The following EIF4G3 variants were observed in gnomAD, a reference collection of about 807,000 sequenced individuals.
EIF4G3 encodes eukaryotic translation initiation factor 4 gamma 3, also known as eIF-4-gamma 3.
In EIF4G3, 34 loss-of-function variants were observed where a neutral mutation model predicts 186.4. That is an observed-to-expected ratio of 0.18 (90% CI 0.14 to 0.24). EIF4G3 has a LOEUF of 0.24. EIF4G3 is among the 10% of genes least tolerant of loss of function. The pLI is 1.00. For synonymous variants in EIF4G3, 673 were observed against 679.5 expected (o/e 0.99, Z 0.15); for missense variants, 1,536 against 1,948.5 (o/e 0.79, Z 3.99).
chr1:20,898,438 C>T (rs1022289289), intron 16 of EIF4G3, among the ~76,000 whole-genome samples: 6 of 152,154 alleles, frequency 3.9e-5, no homozygotes, highest in African/African-American at 1.4e-4. Flanking sequence ...GACATAATGA[C>T]TTCATGACCC....
At chr1:21,116,992 A>C (rs1021378194) in intron 2 of EIF4G3, among the ~76,000 whole-genome samples, 12 of 152,182 alleles carry the variant, frequency 7.9e-5, no homozygotes, top group African/African-American at 2.7e-4. Flanking sequence ...GGGTATTGCA[A>C]ATTGGAAATA....
At chr1:21,108,468 T>C (rs1177372314) in intron 2 of EIF4G3, among the ~76,000 whole-genome samples, 1 of 152,238 alleles carries the variant, frequency 6.6e-6, no homozygotes, top group Non-Finnish European at 1.5e-5. Flanking sequence ...TTGTCAATTT[T>C]ACTCTATTAC....
At chr1:20,927,069 G>A (rs1432615146) in intron 14 of EIF4G3, among the ~76,000 whole-genome samples, 6 of 146,898 alleles carry the variant, frequency 4.1e-5, no homozygotes. Context: ...TTTTTGAGGT[G>A]GAGTCTCACT....
chr1:21,024,451 G>A (rs905743321), intron 4 of EIF4G3, among the ~76,000 whole-genome samples: 4 of 151,444 alleles, frequency 2.6e-5, no homozygotes, highest in African/African-American at 2.4e-5. Flanking sequence ...AATAGAAAGG[G>A]GGGAAAGGTG....
intron 15 of EIF4G3, among the ~76,000 whole-genome samples, chr1:20,900,356 T>C (rs1331527642): frequency 6.6e-6 from 1 of 152,164 alleles, no homozygotes; most frequent in East Asian, 1.9e-4. Flanking sequence ...CTTCTGGCTG[T>C]GAAATTGACA....
chr1:21,175,712 G>T (rs1326971770), intron 2 of EIF4G3: 1 of 152,234 alleles, frequency 6.6e-6, no homozygotes, highest in Admixed American at 6.5e-5. Context: ...TACCGATAAA[G>T]TTTATTATGT....
chr1:21,063,237 A>G (rs897274057), intron 3 of EIF4G3, among the ~76,000 whole-genome samples: 27 of 152,220 alleles, frequency 1.8e-4, no homozygotes, highest in South Asian at 1.0e-3. Flanking sequence ...ATGTATTTAA[A>G]GTACTGCTGA....
At chr1:20,859,941 T>C (rs2075961615) in intron 24 of EIF4G3, among the ~76,000 whole-genome samples, 3 of 152,216 alleles carry the variant, frequency 2.0e-5, no homozygotes, top group Non-Finnish European at 2.9e-5. Context: ...CAGCTTTCTG[T>C]CTCTCTTCTT....
At chr1:20,984,905 A>G (rs2079115689) in intron 7 of EIF4G3, among the ~76,000 whole-genome samples, 3 of 152,172 alleles carry the variant, frequency 2.0e-5, no homozygotes, top group Non-Finnish European at 4.4e-5. Context: ...ATGTTAACTC[A>G]TGCTCATAAA....
chr1:20,885,710 C>T (rs2154554894), intron 19 of EIF4G3, among the ~76,000 whole-genome samples: 1 of 152,216 alleles, frequency 6.6e-6, no homozygotes, highest in East Asian at 1.9e-4. Flanking sequence ...TAAAATAAAT[C>T]CATTCAATTT....
intron 13 of EIF4G3, among the ~76,000 whole-genome samples, chr1:20,945,362 TAAAG>T (rs1226062674): frequency 1.3e-5 from 2 of 152,214 alleles, no homozygotes; most frequent in Admixed American, 6.5e-5. Context: ...AGAGATTTAT[TAAAG>T]AAATGATAAT....
rs1235185019 is a variant in EIF4G3, at chr1:21,176,821, G to A, written c.-555C>T. 1.4e-6 allele frequency: 1 copy of A among 701,684 alleles called. No individual in the cohort carries two copies. The highest frequency in any genetic ancestry group is 2.0e-5 in the Admixed American group (1 of 49,976). 43.5% of individuals were successfully genotyped at this position (701,684 alleles called of 1,614,324 possible). A position where few individuals can be genotyped will look rare whatever the true frequency, so the allele number is the denominator to read the frequency against. Reference sequence around the variant, plus strand: ...TCGGTAGCGGGGCTCAGGCGATGCCGGTGGATTTTCTTCACTCAACGAGCA... The same window carrying A: ...TCGGTAGCGGGGCTCAGGCGATGCCAGTGGATTTTCTTCACTCAACGAGCA... On this transcript the variant is annotated 5_prime_UTR_variant, in exon 1 of 37. Coordinates refer to ENST00000602326, the MANE Select transcript of EIF4G3 (RefSeq NM_001391906.1).
intron 7 of EIF4G3, among the ~76,000 whole-genome samples, chr1:20,996,340 TA>T (rs1350266865): frequency 6.6e-6 from 1 of 152,186 alleles, no homozygotes; most frequent in African/African-American, 2.4e-5. Flanking sequence ...TCCAAGCTCT[TA>T]AAGTATTAAT....
chr1:21,022,504 C>A (rs2090974497), intron 4 of EIF4G3, among the ~76,000 whole-genome samples: 1 of 152,190 alleles, frequency 6.6e-6, no homozygotes, highest in Admixed American at 6.5e-5. Flanking sequence ...ACTTCCTGTT[C>A]ACAGTAACAC....
chr1:21,075,293 G>C (rs570374822), intron 3 of EIF4G3, among the ~76,000 whole-genome samples: 3 of 152,146 alleles, frequency 2.0e-5, no homozygotes, highest in East Asian at 1.9e-4. Flanking sequence ...ATAGGGCCGG[G>C]CAGGGTGGCT....
chr1:21,087,087 A>G (rs1043765603), intron 3 of EIF4G3, among the ~76,000 whole-genome samples: 4 of 152,180 alleles, frequency 2.6e-5, no homozygotes, highest in Non-Finnish European at 5.9e-5. Context: ...ACCCAAAATA[A>G]TAGGAATCAC....
At chr1:20,839,925 A>AC (rs2067992832) in intron 30 of EIF4G3, among the ~76,000 whole-genome samples, 1 of 151,212 alleles carries the variant, frequency 6.6e-6, no homozygotes, top group African/African-American at 2.4e-5. Context: ...AAAAAAAAAA[A>AC]GAGGAAAATT....
At chr1:21,087,922 C>T (rs979493064) in intron 3 of EIF4G3, among the ~76,000 whole-genome samples, 5 of 151,500 alleles carry the variant, frequency 3.3e-5, no homozygotes, top group African/African-American at 1.2e-4. Context: ...CATGAGCCAC[C>T]GTGCCCAGCC....
chr1:20,875,083 A>T (rs1355900450), intron 20 of EIF4G3, among the ~76,000 whole-genome samples: 1 of 151,468 alleles, frequency 6.6e-6, no homozygotes, highest in African/African-American at 2.4e-5. Flanking sequence ...GACTCAAGGG[A>T]TCCTCCCACC....
Sources: gnomAD v4.1 joint callset for allele counts (sites outside exome capture counted in the v4.1 genomes callset) on GRCh38, gnomAD v4.1.1 for gene constraint, MANE v1.5 for transcripts, NCBI Gene and HGNC (gene_info 2026-07-23, HGNC 2026-07-21) for gene names.